MYO9A: variants seen among roughly 807,000 people sequenced by gnomAD.
The protein encoded by MYO9A is myosin IXA.
A neutral mutation model predicts 293.3 loss-of-function variants in MYO9A; 103 were observed. That is an observed-to-expected ratio of 0.35 (90% CI 0.30 to 0.41). The LOEUF (loss-of-function observed/expected upper bound fraction) is 0.41, where lower values mean the gene tolerates loss of function less well. Among genes scored for constraint, MYO9A ranks in the 10% least tolerant of loss-of-function variants. MYO9A has a pLI of 1.00. For missense variants in MYO9A, 2,685 were observed against 3,033.0 expected, an observed-to-expected ratio of 0.89 and a Z score of 2.69; for synonymous variants, 1,001 against 1,035.7, an observed-to-expected ratio of 0.97 and a Z score of 0.64.
chr15:72,006,745 T>C (rs548624584), intron 8 of MYO9A, among the ~76,000 whole-genome samples: 66 of 152,228 alleles, frequency 4.3e-4, no homozygotes, highest in African/African-American at 1.5e-3. Context: ...GAAAACAGCA[T>C]GCATGACAAA....
chr15:71,893,099 C>T (rs1360773321), intron 26 of MYO9A: 5 of 1,290,102 alleles, frequency 3.9e-6, no homozygotes, highest in Non-Finnish European at 4.0e-6. Context: ...CCCTCCCCAT[C>T]GGCAAAAGTA....
chr15:71,851,337 G>A lies in MYO9A; in HGVS notation c.6497C>T (p.Thr2166Ile). 2 of 1,613,664 alleles carry A rather than the reference G, an allele frequency of 1.2e-6. No individual in the cohort carries two copies. Among genetic ancestry groups the A allele is most frequent in the East Asian group, 2.2e-5 (1 of 44,856 alleles). ...AATCACAGAGTATACACCACGGATT[G>A]TCTCCTTCCTCTCCTGAAGGCCTAA... ...RAMGLQERKE[T>I]IRGVYSVIDQ... Residue 2166 changes from threonine to isoleucine, a missense_variant, in exon 37 of 42, where the codon ACA (threonine) becomes ATA (isoleucine). Thr to Ile is a moderately conservative substitution (Grantham distance 89). Around this residue, in one of 10 missense-constraint regions of MYO9A, gnomAD observed 238 missense variants for 269.1 expected, o/e 0.88. Coordinates refer to ENST00000356056, the MANE Select transcript of MYO9A (RefSeq NM_006901.4).
chr15:72,053,066 A>G (rs1308818827), intron 1 of MYO9A, among the ~76,000 whole-genome samples: 1 of 152,222 alleles, frequency 6.6e-6, no homozygotes, highest in Non-Finnish European at 1.5e-5. Context: ...CTTTACAGGA[A>G]AATTCTGCTG....
intron 39 of MYO9A, among the ~76,000 whole-genome samples, chr15:71,843,817 A>C (rs1165139230): frequency 6.6e-6 from 1 of 152,168 alleles, no homozygotes; most frequent in Non-Finnish European, 1.5e-5. Context: ...ACCCAGGAGG[A>C]AATTGTTTTT....
Position 71,871,740 on chromosome 15 carries a change from T to C in MYO9A, c.5979+4051A>G, listed in dbSNP as rs546947950. Among the ~76,000 whole-genome samples, 8 of 150,130 alleles carry C rather than the reference T, an allele frequency of 5.3e-5. No individual in the cohort carries two copies. The East Asian group carries it at 1.2e-3, about 22-fold the overall frequency. ...AAGTAAAAAAAAATGATAATAATTATGTAAATAATTTATCTAAGAAGGACA... is the reference window on the plus strand; with the variant it reads ...AAGTAAAAAAAAATGATAATAATTACGTAAATAATTTATCTAAGAAGGACA... On this transcript the variant is annotated intron_variant, in intron 32 of 41. Transcript: ENST00000356056.
At chr15:71,909,871 T>C (rs1367942300) in intron 19 of MYO9A, among the ~76,000 whole-genome samples, 4 of 152,030 alleles carry the variant, frequency 2.6e-5, no homozygotes, top group African/African-American at 7.2e-5. Flanking sequence ...CAGTGTCACA[T>C]GCCTGTAGCC....
At chr15:72,052,659 G>A (rs1006811208) in intron 1 of MYO9A, among the ~76,000 whole-genome samples, 6 of 152,264 alleles carry the variant, frequency 3.9e-5, no homozygotes, top group South Asian at 2.1e-4. Flanking sequence ...TCAAGCTTCC[G>A]AGCACCACTG....
At chr15:72,011,137 G>T (rs555313174) in intron 6 of MYO9A, among the ~76,000 whole-genome samples, 40 of 151,764 alleles carry the variant, frequency 2.6e-4, no homozygotes, top group African/African-American at 9.7e-4. Flanking sequence ...AGCCTCCCAA[G>T]CAACTGGAAC....
At chr15:71,901,423 C>T (rs1266780251) in intron 22 of MYO9A, 83 bp from the exon 23 acceptor site, 2 of 1,395,962 alleles carry the variant, frequency 1.4e-6, no homozygotes, top group East Asian at 5.0e-5. Flanking sequence ...CTGTGATAAG[C>T]TTTTAGAGAA....
At chr15:72,100,399 G>C (rs1046599688) in intron 1 of MYO9A, among the ~76,000 whole-genome samples, 18 of 152,284 alleles carry the variant, frequency 1.2e-4, no homozygotes, top group South Asian at 8.3e-4. Context: ...GGGAAGTGAG[G>C]AGCGTCTCTG....
intron 1 of MYO9A, among the ~76,000 whole-genome samples, chr15:72,077,935 C>T (rs1171871132): frequency 1.3e-5 from 2 of 151,772 alleles, no homozygotes; most frequent in Non-Finnish European, 2.9e-5. Flanking sequence ...TACTCAAAAT[C>T]ATATTTGTTA....
At chr15:72,063,745 G>A (rs1166166864) in intron 1 of MYO9A, among the ~76,000 whole-genome samples, 1 of 152,116 alleles carries the variant, frequency 6.6e-6, no homozygotes, top group Non-Finnish European at 1.5e-5. Context: ...ACAGTTTGGA[G>A]GTTCCTCAAA....
intron 13 of MYO9A, among the ~76,000 whole-genome samples, chr15:71,964,617 T>TA (rs36017249): frequency 0.27 from 34,023 of 123,890 alleles, 5,290 homozygotes; most frequent in East Asian, 0.59. Context: ...CCATCTCTAC[T>TA]AAAAAAAAAA....
chr15:71,935,266 T>A (rs1248370550), intron 17 of MYO9A, 75 bp downstream of exon 17: 3 of 1,428,510 alleles, frequency 2.1e-6, no homozygotes, highest in Non-Finnish European at 2.8e-6. Flanking sequence ...CTTCTTCATT[T>A]TTTTCTGCCA....
intron 4 of MYO9A, 46 bp from the exon 5 acceptor site, chr15:72,021,063 G>A: frequency 7.9e-7 from 1 of 1,261,422 alleles, no homozygotes. Context: ...GTGACTTATG[G>A]TTATCATTTA....
intron 18 of MYO9A, among the ~76,000 whole-genome samples, chr15:71,927,312 A>T (rs1273664782): frequency 1.3e-5 from 2 of 152,204 alleles, no homozygotes; most frequent in African/African-American, 4.8e-5. Flanking sequence ...AGTTTGTCTC[A>T]TCATTCTGTT....
At chr15:71,850,765 C>CAAAAAAAAAAAAAAAAAAAAAAAAAAA (rs780727961) in intron 37 of MYO9A, among the ~76,000 whole-genome samples, 1 of 44,142 alleles carries the variant, frequency 2.3e-5, no homozygotes, top group Non-Finnish European at 4.0e-5. Context: ...AACTGTGTCT[C>CAAAAAAAAAAAAAAAAAAAAAAAAAAA]AAAAAAAAAA....
At position 72,046,652 on chromosome 15, in the gene MYO9A, C is replaced by T; in HGVS notation, c.-71-18G>A. The T allele has an allele frequency of 1.4e-6, 2 of 1,432,588 alleles. No homozygotes were observed. Among genetic ancestry groups the T allele is most frequent in the Non-Finnish European group, 1.8e-6 (2 of 1,082,314 alleles). The allele number at this position is 1,432,588 out of a possible 1,614,324, so 88.7% of individuals were successfully genotyped here. ...TAAAATAACTGTAACATAAAAGATG[C>T]AAAATATTTAGAAGTAAATACACAT... On this transcript the variant is annotated intron_variant, in intron 1 of 41. Coordinates refer to ENST00000356056, the MANE Select transcript of MYO9A (RefSeq NM_006901.4).
chr15:71,984,361 G>A (rs1023752385), intron 11 of MYO9A, among the ~76,000 whole-genome samples: 3 of 152,120 alleles, frequency 2.0e-5, no homozygotes, highest in African/African-American at 7.2e-5. Context: ...CTGCTTTTTA[G>A]ACTTTTTTCA....
Sources: allele counts gnomAD v4.1 joint callset (sites outside exome capture counted in the v4.1 genomes callset), GRCh38; gene constraint gnomAD v4.1.1; regional missense constraint gnomAD v4.1.1; transcripts MANE v1.5; gene names NCBI Gene and HGNC (gene_info 2026-07-23, HGNC 2026-07-21).